RNF144A: variants seen among roughly 807,000 people sequenced by gnomAD.
The protein encoded by RNF144A is E3 ubiquitin-protein ligase RNF144A.
In RNF144A, 11 loss-of-function variants were observed where a neutral mutation model predicts 38.7. The ratio of observed to expected loss-of-function variants is 0.28; its 90% CI spans 0.18 to 0.47. The LOEUF (loss-of-function observed/expected upper bound fraction) is 0.47. Among genes scored for constraint, RNF144A ranks in the 20% least tolerant of loss-of-function variants. The probability of loss-of-function intolerance (pLI) is 0.99; values close to 1 mark genes in which losing one functional copy is unlikely to be tolerated. For missense variants in RNF144A, 316 were observed against 377.2 expected, an observed-to-expected ratio of 0.84 and a Z score of 1.34; for synonymous variants, 149 against 143.9, an observed-to-expected ratio of 1.04 and a Z score of -0.25.
chr2:6,935,090 A>G (rs1334122377), intron 1 of RNF144A, among the ~76,000 whole-genome samples: 1 of 152,084 alleles, frequency 6.6e-6, no homozygotes. Flanking sequence ...ATCAGGCTTT[A>G]CCATCCCTCT....
intron 2 of RNF144A, among the ~76,000 whole-genome samples, chr2:6,972,897 A>C (rs528479099): frequency 6.6e-6 from 1 of 152,368 alleles, no homozygotes; most frequent in South Asian, 2.1e-4. Context: ...TAATAATGGT[A>C]GACACCAGCA....
At chr2:6,921,408 T>A (rs1664532954) in intron 1 of RNF144A, among the ~76,000 whole-genome samples, 1 of 152,238 alleles carries the variant, frequency 6.6e-6, no homozygotes, top group Non-Finnish European at 1.5e-5. Context: ...TGGTTGATAC[T>A]CATTATGGAT....
intron 2 of RNF144A, among the ~76,000 whole-genome samples, chr2:6,979,024 T>C (rs1417854788): frequency 6.6e-6 from 1 of 152,236 alleles, no homozygotes; most frequent in Non-Finnish European, 1.5e-5. Flanking sequence ...TGGTGGTCTC[T>C]GCAGCCAGGG....
intron 2 of RNF144A, among the ~76,000 whole-genome samples, chr2:6,991,033 C>T (rs568660934): frequency 6.6e-6 from 1 of 152,068 alleles, no homozygotes; most frequent in Non-Finnish European, 1.5e-5. Flanking sequence ...TTTTCAGTGC[C>T]GAATAATATT....
chr2:7,006,501 G>T (rs1319789615), intron 3 of RNF144A, among the ~76,000 whole-genome samples: 4 of 151,992 alleles, frequency 2.6e-5, no homozygotes, highest in African/African-American at 4.8e-5. Flanking sequence ...GAGGGTAAGG[G>T]CCCTGTGACT....
chr2:7,068,152 A>G, intron 6 of RNF144A: 1 of 822,822 alleles, frequency 1.2e-6, no homozygotes, highest in Admixed American at 2.3e-5. Flanking sequence ...GATTTACACA[A>G]GTATCATTGA....
At chr2:7,005,682 C>T (rs112151062) in intron 3 of RNF144A, among the ~76,000 whole-genome samples, 58 of 152,348 alleles carry the variant, frequency 3.8e-4, no homozygotes, top group African/African-American at 1.3e-3. Context: ...TCCCTGCTGA[C>T]AACTCACAGG....
intron 6 of RNF144A, among the ~76,000 whole-genome samples, chr2:7,021,752 C>A (rs1671548436): frequency 6.6e-6 from 1 of 152,210 alleles, no homozygotes; most frequent in Non-Finnish European, 1.5e-5. Flanking sequence ...ACACACAGGG[C>A]CTGGGCCTTT....
intron 1 of RNF144A, among the ~76,000 whole-genome samples, chr2:6,926,379 G>A (rs1008430670): frequency 1.3e-5 from 2 of 152,232 alleles, no homozygotes; most frequent in East Asian, 3.8e-4. Context: ...CCTGGGAGGT[G>A]GTCCTGGAGG....
chr2:6,962,455 C>T lies in RNF144A; in HGVS notation c.-12+21308C>T, dbSNP rs1667405927. ...CCATTTCTCAGGCTGTTCTTTGTTA[C>T]AAGAGAAATGATTTTGGGAGGTTGC... On this transcript the variant is annotated intron_variant, in intron 2 of 8. Coordinates refer to ENST00000320892, the MANE Select transcript of RNF144A (RefSeq NM_014746.6). This position sits in a 1 kb window ranked among gnomAD's most constrained non-coding sequence, Gnocchi z 4.1. 6.6e-6 allele frequency among the ~76,000 whole-genome samples: 1 copy of T among 152,134 alleles called. No individual in the cohort carries two copies. Among genetic ancestry groups the T allele is most frequent in the South Asian group, 2.1e-4 (1 of 4,828 alleles).
intron 2 of RNF144A, among the ~76,000 whole-genome samples, chr2:6,971,122 T>C (rs1436802701): frequency 6.6e-6 from 1 of 152,204 alleles, no homozygotes; most frequent in Non-Finnish European, 1.5e-5. Flanking sequence ...TTTTACTTTG[T>C]GGTGTGTGGT....
At chr2:6,968,492 G>C (rs1026422893) in intron 2 of RNF144A, among the ~76,000 whole-genome samples, 5 of 152,146 alleles carry the variant, frequency 3.3e-5, no homozygotes, top group Non-Finnish European at 7.3e-5. Flanking sequence ...ACATGAACAC[G>C]GCTCCAGTAA....
intron 3 of RNF144A, among the ~76,000 whole-genome samples, chr2:7,010,966 T>G (rs1469523668): frequency 6.6e-6 from 1 of 152,042 alleles, no homozygotes; most frequent in African/African-American, 2.4e-5. Flanking sequence ...GCATTGCAAA[T>G]GGATCATTGC....
chr2:6,955,359 C>T (rs570236803), intron 2 of RNF144A, among the ~76,000 whole-genome samples: 72 of 152,206 alleles, frequency 4.7e-4, no homozygotes, highest in Middle Eastern at 3.4e-3. Context: ...TAAGGCTTCC[C>T]CTCTGTGGTT....
intron 7 of RNF144A, among the ~76,000 whole-genome samples, chr2:7,025,063 G>A (rs548635005): frequency 5.3e-5 from 8 of 152,226 alleles, no homozygotes; most frequent in East Asian, 3.9e-4. Flanking sequence ...TCTACAGGGC[G>A]GGAAAACGTG....
chr2:6,982,220 A>C (rs1482696403), intron 2 of RNF144A, among the ~76,000 whole-genome samples: 1 of 152,218 alleles, frequency 6.6e-6, no homozygotes, highest in Non-Finnish European at 1.5e-5. Flanking sequence ...CAAAATATAA[A>C]GTAGAATACA....
At chr2:7,011,207 A>C (rs536688583) in intron 3 of RNF144A, among the ~76,000 whole-genome samples, 1 of 152,326 alleles carries the variant, frequency 6.6e-6, no homozygotes, top group African/African-American at 2.4e-5. Context: ...TAGATAATAA[A>C]ATGGTCATAT....
rs185159925 is a variant in RNF144A, at chr2:7,042,612, G to T, written c.*2852G>T. The T allele has an allele frequency of 2.9e-4, 288 of 985,554 alleles. 2 individuals carry two copies. The African/African-American group carries it at 4.8e-3, about 17-fold the overall frequency. 61.1% of individuals were successfully genotyped at this position (985,554 alleles called of 1,614,324 possible). The stretch of plus-strand genomic sequence containing the variant: ...GTAACTGACCACATTTGGAGGTTTT[G>T]CTGGAAATGCCTGACCTCTCAGTCT... On this transcript the variant is annotated 3_prime_UTR_variant, in exon 9 of 9. Transcript: ENST00000320892.
chr2:7,036,709 T>A (rs1936771294), intron 8 of RNF144A, among the ~76,000 whole-genome samples: 2 of 152,224 alleles, frequency 1.3e-5, no homozygotes, highest in South Asian at 2.1e-4. Context: ...TCTGAACTTG[T>A]CTGTGCCACC....
Sources: gnomAD v4.1 joint callset for allele counts (sites outside exome capture counted in the v4.1 genomes callset) on GRCh38, gnomAD v4.1.1 for gene constraint, Gnocchi (gnomAD v3.1) non-coding constraint, MANE v1.5 for transcripts, NCBI Gene and HGNC (gene_info 2026-07-23, HGNC 2026-07-21) for gene names.